Variants in LAMA4 observed in about 807,000 individuals in gnomAD.
The protein encoded by LAMA4 is laminin subunit alpha-4.
Under a neutral mutation model 207.1 loss-of-function variants are expected in LAMA4, and 127 were observed. That is an observed-to-expected ratio of 0.61 (90% CI 0.53 to 0.71). LAMA4 has a LOEUF of 0.71. Among genes scored for constraint, LAMA4 ranks in the 30% least tolerant of loss-of-function variants. The pLI is 0.00. For missense variants in LAMA4, 2,093 were observed against 2,246.5 expected (o/e 0.93, Z 1.38); for synonymous variants, 761 against 816.0 (o/e 0.93, Z 1.15).
At chr6:112,212,193 T>G (rs1318224321) in intron 3 of LAMA4, among the ~76,000 whole-genome samples, 1 of 151,764 alleles carries the variant, frequency 6.6e-6, no homozygotes, top group African/African-American at 2.4e-5. Flanking sequence ...GAACAATGTA[T>G]AGATAACTCA....
chr6:112,114,799 T>C (rs1554322980), intron 36 of LAMA4, 43 bp from the exon 37 acceptor site: 3 of 1,345,216 alleles, frequency 2.2e-6, no homozygotes, highest in Non-Finnish European at 2.1e-6. Flanking sequence ...TTTGTCCTCA[T>C]TGTGATAAAA....
At chr6:112,144,628 G>A (rs891445596) in intron 19 of LAMA4, among the ~76,000 whole-genome samples, 166 bp downstream of exon 19, 5 of 152,156 alleles carry the variant, frequency 3.3e-5, no homozygotes, top group East Asian at 3.8e-4. Context: ...AATTGGTTTC[G>A]TTTTCAGTGT....
At chr6:112,154,619 A>G in intron 16 of LAMA4, 1 of 562,874 alleles carries the variant, frequency 1.8e-6, no homozygotes, top group East Asian at 3.0e-5. Flanking sequence ...ACAGTATGTG[A>G]GATAGCTATG....
chr6:112,154,408 C>A (rs1421071084), intron 16 of LAMA4, among the ~76,000 whole-genome samples: 1 of 151,308 alleles, frequency 6.6e-6, no homozygotes, highest in Non-Finnish European at 1.5e-5. Flanking sequence ...TTTGTGGTAC[C>A]CTGTCATCCT....
Position 112,121,940 on chromosome 6 carries a change from C to T in LAMA4, c.4475+74G>A, listed in dbSNP as rs80288537. ...CACAGAAAGGAAAGATGGGAAAAAA[C>T]GATGACATGTGACAAACAAAGATGG... On this transcript the variant is annotated intron_variant, in intron 32 of 38. Coordinates refer to ENST00000230538, the MANE Select transcript of LAMA4 (RefSeq NM_001105206.3). 3.7e-5 allele frequency: 50 copies of T among 1,353,692 alleles called. No individual in the cohort carries two copies. The Admixed American group carries it at 6.4e-4, about 17-fold the overall frequency. The allele number at this position is 1,353,692 out of a possible 1,614,324, so 83.9% of individuals were successfully genotyped here. A position where few individuals can be genotyped will look rare whatever the true frequency, so the allele number is the denominator to read the frequency against.
At chr6:112,154,437 A>G (rs1233942896) in intron 16 of LAMA4, among the ~76,000 whole-genome samples, 1 of 151,920 alleles carries the variant, frequency 6.6e-6, no homozygotes, top group Non-Finnish European at 1.5e-5. Context: ...CACAGTGATG[A>G]CTCGTTCCTT....
In LAMA4 at chr6:112,129,958, T is replaced by G; in HGVS notation, c.4051A>C (p.Lys1351Gln). The G allele has an allele frequency of 1.2e-6, 2 of 1,613,408 alleles. No homozygotes were observed. The highest frequency in any genetic ancestry group is 1.7e-6 in the Non-Finnish European group (2 of 1,179,588). The change falls in exon 30 of 39, where the codon AAG (lysine) becomes CAG (glutamine). Residue 1351 changes from lysine (K) to glutamine (Q), a missense_variant. Coordinates refer to ENST00000230538, the MANE Select transcript of LAMA4 (RefSeq NM_001105206.3). ...GKIEQTQASE[K>Q]KFYFGGSPIS... ...GGTGAGCCACCGAAGTAAAACTTCT[T>G]TTCACTTGCTTGTGTCTGTTCTATT... is the stretch of plus-strand genomic sequence containing the variant.
chr6:112,173,268 C>A (rs1315558435), intron 11 of LAMA4, among the ~76,000 whole-genome samples: 1 of 152,132 alleles, frequency 6.6e-6, no homozygotes, highest in East Asian at 1.9e-4. Context: ...TGGGTCAAAT[C>A]CAAACCATGA....
intron 13 of LAMA4, among the ~76,000 whole-genome samples, chr6:112,164,944 A>C (rs993779722): frequency 1.2e-4 from 19 of 152,326 alleles, no homozygotes; most frequent in African/African-American, 4.3e-4. Flanking sequence ...TGAAGAATTA[A>C]AATTTTAATT....
chr6:112,227,075 T>TTATC (rs1785260485), intron 2 of LAMA4, among the ~76,000 whole-genome samples: 1 of 149,904 alleles, frequency 6.7e-6, no homozygotes, highest in Non-Finnish European at 1.5e-5. Context: ...ATTTATTTAT[T>TTATC]TATTTATTTA....
chr6:112,229,159 A>G (rs1785401783), intron 2 of LAMA4, among the ~76,000 whole-genome samples: 1 of 152,218 alleles, frequency 6.6e-6, no homozygotes, highest in Non-Finnish European at 1.5e-5. Context: ...AAATTATTAA[A>G]TACGACACCA....
At chr6:112,133,615 T>C (rs1441238507) in intron 26 of LAMA4, 128 bp from the exon 27 acceptor site, 5 of 1,183,906 alleles carry the variant, frequency 4.2e-6, no homozygotes, top group African/African-American at 1.5e-5. Context: ...ATTCTCATGC[T>C]TTCTTTGATA....
At chr6:112,155,793 A>T in intron 14 of LAMA4, 87 bp from the exon 15 acceptor site, 1 of 1,431,778 alleles carries the variant, frequency 7.0e-7, no homozygotes, top group Non-Finnish European at 9.8e-7. Flanking sequence ...AAATACTTCT[A>T]GGATCACAGA....
At chr6:112,196,179 C>T (rs953180024) in intron 5 of LAMA4, among the ~76,000 whole-genome samples, 4 of 152,010 alleles carry the variant, frequency 2.6e-5, no homozygotes, top group African/African-American at 9.7e-5. Flanking sequence ...GTATTGTGAA[C>T]ATTCAGAATC....
rs2114690760 is a variant in LAMA4, at chr6:112,139,186, C to T, written c.3216G>A (p.Val1072=). The T allele has an allele frequency of 2.5e-6, 4 of 1,614,194 alleles. No homozygotes were observed. In the East Asian group the frequency reaches 6.7e-5, roughly 27 times the overall value. The part of the protein sequence containing the change: ...DITRRGKFGQ[V]TRFDIEVRTP... ...TTCGAACTTCTATGTCAAAGCGAGT[C>T]ACCTGACCAAATTTCCCTCTCCTTG... is the stretch of plus-strand genomic sequence containing the variant. The change falls in exon 24 of 39, where the codon GTG becomes GTA. Residue 1072 remains valine (V), a synonymous_variant. Coordinates refer to ENST00000230538, the MANE Select transcript of LAMA4 (RefSeq NM_001105206.3).
intron 1 of LAMA4, 59 bp downstream of exon 1, chr6:112,254,400 A>G: frequency 1.9e-6 from 1 of 536,232 alleles, no homozygotes; most frequent in Non-Finnish European, 3.2e-6. Flanking sequence ...TCCCTCTTTC[A>G]CTTTTTCTCC....
chr6:112,172,951 C>T (rs2114868821), intron 11 of LAMA4, 147 bp from the exon 12 acceptor site: 1 of 670,564 alleles, frequency 1.5e-6, no homozygotes, highest in Non-Finnish European at 2.7e-6. Flanking sequence ...TTAGCTCCAC[C>T]TTTTAGATTT....
At chr6:112,216,559 A>G (rs1784635861) in intron 2 of LAMA4, 90 bp from the exon 3 acceptor site, 5 of 812,890 alleles carry the variant, frequency 6.2e-6, no homozygotes, top group Non-Finnish European at 6.4e-6. Context: ...AGTGATTATT[A>G]AACAATCTAA....
At chr6:112,154,723 AACT>A in intron 16 of LAMA4, 125 bp downstream of exon 16, 1 of 722,124 alleles carries the variant, frequency 1.4e-6, no homozygotes, top group Non-Finnish European at 2.5e-6. Context: ...TCTGAGCAGG[AACT>A]ACTGATATGT....
Sources: gnomAD v4.1 joint callset for allele counts (sites outside exome capture counted in the v4.1 genomes callset) on GRCh38, gnomAD v4.1.1 for gene constraint, MANE v1.5 for transcripts, NCBI Gene and HGNC (gene_info 2026-07-23, HGNC 2026-07-21) for gene names.